Variants in ZNF44 observed in about 807,000 individuals in gnomAD.
ZNF44 encodes gonadotropin inducible transcription repressor-2.
ZNF44 carries 9 observed loss-of-function variants against 11.7 expected under a neutral mutation model. That is an observed-to-expected ratio of 0.77 (90% CI 0.46 to 1.35). The LOEUF (loss-of-function observed/expected upper bound fraction) is 1.35, where lower values mean the gene tolerates loss of function less well. Among genes scored for constraint, ZNF44 ranks in the 40% most tolerant of loss-of-function variants. ZNF44 has a pLI of 0.00. For synonymous variants in ZNF44, 224 were observed against 242.7 expected, an observed-to-expected ratio of 0.92 and a Z score of 0.72; for missense variants, 696 against 743.1, an observed-to-expected ratio of 0.94 and a Z score of 0.74.
chr19:12,246,755 G>C (rs965176541), downstream of ZNF44, among the ~76,000 whole-genome samples: 1 of 152,000 alleles, frequency 6.6e-6, no homozygotes, highest in Non-Finnish European at 1.5e-5. Flanking sequence ...GCCAGGCAAC[G>C]CAGCACACAT....
chr19:12,273,223 T>C lies in ZNF44; in HGVS notation c.1032A>G (p.Lys344=). 1 of 1,614,126 alleles carries C rather than the reference T, an allele frequency of 6.2e-7. No homozygotes were observed. Among genetic ancestry groups the C allele is most frequent in the South Asian group, 1.1e-5 (1 of 91,074 alleles). The part of the protein sequence containing the change: ...DGPHKCKICG[K]GFDFPGSARI... ...GTGCTGAACCAGGAAAATCAAAGCC[T>C]TTCCCACATATCTTACATTTATGAG... Residue 344 remains lysine (K), a synonymous_variant, in exon 4 of 4, where the codon AAA becomes AAG. Coordinates refer to ENST00000355684, the MANE Select transcript of ZNF44 (RefSeq NM_016264.4).
chr19:12,278,507 A>C (rs1235537634), intron 1 of ZNF44, among the ~76,000 whole-genome samples: 2 of 152,076 alleles, frequency 1.3e-5, no homozygotes, highest in Non-Finnish European at 2.9e-5. Context: ...AGGGGGTCAG[A>C]TTGCTTAAAG....
intron 7 of ZNF44, among the ~76,000 whole-genome samples, chr19:12,249,492 C>G (rs1249026203): frequency 1.2e-4 from 15 of 129,754 alleles, no homozygotes; most frequent in Non-Finnish European, 2.4e-4. Flanking sequence ...GGCGACAGAG[C>G]AAGACTCCGT....
chr19:12,225,701 G>T (rs1414699348), downstream of ZNF44, among the ~76,000 whole-genome samples: 1 of 152,210 alleles, frequency 6.6e-6, no homozygotes, highest in Non-Finnish European at 1.5e-5. Flanking sequence ...CACACGGGTG[G>T]CGTAGTAAAT....
downstream of ZNF44, chr19:12,247,415 G>T: frequency 7.6e-7 from 1 of 1,317,498 alleles, no homozygotes; most frequent in East Asian, 5.3e-5. Context: ...GGAAACTGAA[G>T]GGTTTTCCAC....
At chr19:12,254,175 T>TAA (rs77933552) in intron 5 of ZNF44, among the ~76,000 whole-genome samples, 7,754 of 143,086 alleles carry the variant, frequency 0.054, 682 homozygotes, top group African/African-American at 0.19. Context: ...CACAGCAGAT[T>TAA]AAAAAAAAAA....
At chr19:12,268,363 T>C (rs1917820598), downstream of ZNF44, among the ~76,000 whole-genome samples, 1 of 152,196 alleles carries the variant, frequency 6.6e-6, no homozygotes, top group African/African-American at 2.4e-5. Context: ...CTTTCCCCAT[T>C]ATCTTGGGGC....
chr19:12,244,189 T>G (rs1474441536), downstream of ZNF44, among the ~76,000 whole-genome samples: 4 of 152,078 alleles, frequency 2.6e-5, no homozygotes, highest in Admixed American at 6.6e-5. Context: ...ATTTATTTAT[T>G]TATTTATTTT....
intron 2 of ZNF44, among the ~76,000 whole-genome samples, chr19:12,233,740 A>G (rs1424645081): frequency 6.6e-6 from 1 of 152,078 alleles, no homozygotes; most frequent in Non-Finnish European, 1.5e-5. Flanking sequence ...CTACTTTCAC[A>G]ATCTTTCTAA....
At chr19:12,253,950 G>A (rs1568430460) in intron 5 of ZNF44, among the ~76,000 whole-genome samples, 1 of 152,166 alleles carries the variant, frequency 6.6e-6, no homozygotes, top group Non-Finnish European at 1.5e-5. Flanking sequence ...CTGCACTCCA[G>A]CCTGGGTGAC....
chr19:12,247,248 A>G (rs1339072972), downstream of ZNF44: 6 of 1,165,240 alleles, frequency 5.1e-6, no homozygotes, highest in South Asian at 1.0e-4. Context: ...TTAAAATTGA[A>G]AAACTTTCGA....
At chr19:12,282,707 G>A (rs1967534505) in intron 1 of ZNF44, among the ~76,000 whole-genome samples, 1 of 152,124 alleles carries the variant, frequency 6.6e-6, no homozygotes, top group South Asian at 2.1e-4. Flanking sequence ...ACAGGCATGA[G>A]ATACCACGCC....
chr19:12,261,376 T>G (rs1167844387), intron 5 of ZNF44, among the ~76,000 whole-genome samples: 1 of 152,226 alleles, frequency 6.6e-6, no homozygotes, highest in African/African-American at 2.4e-5. Flanking sequence ...GGCTCACGCT[T>G]GCAATCCCAA....
chr19:12,252,066 A>C (rs545452131), intron 5 of ZNF44, among the ~76,000 whole-genome samples: 51 of 152,080 alleles, frequency 3.4e-4, no homozygotes, highest in Non-Finnish European at 6.0e-4. Flanking sequence ...AAAAAAAAAA[A>C]CAGATTTGCA....
At chr19:12,265,986 T>G (rs993501054) in intron 5 of ZNF44, among the ~76,000 whole-genome samples, 8 of 152,098 alleles carry the variant, frequency 5.3e-5, no homozygotes, top group African/African-American at 1.9e-4. Context: ...CCTCCCATGG[T>G]CCCCGCACAA....
intron 5 of ZNF44, among the ~76,000 whole-genome samples, chr19:12,258,439 C>T (rs1367452021): frequency 6.6e-6 from 1 of 151,894 alleles, no homozygotes; most frequent in Non-Finnish European, 1.5e-5. Flanking sequence ...CTTCAAGGCC[C>T]ATCAATTTAC....
intron 1 of ZNF44, chr19:12,285,147 G>C: frequency 1.7e-6 from 1 of 589,740 alleles, no homozygotes; most frequent in Non-Finnish European, 3.0e-6. Context: ...CAGAGTCTCT[G>C]TGCAGAGGAC....
At chr19:12,275,804 G>A (rs1159624654) in intron 2 of ZNF44, among the ~76,000 whole-genome samples, 152 bp downstream of exon 2, 1 of 152,152 alleles carries the variant, frequency 6.6e-6, no homozygotes, top group East Asian at 1.9e-4. Context: ...GATTATATGA[G>A]GACATACAAC....
intron 3 of ZNF44, among the ~76,000 whole-genome samples, chr19:12,227,108 G>A (rs139555949): frequency 1.2e-4 from 18 of 152,326 alleles, no homozygotes; most frequent in African/African-American, 4.3e-4. Context: ...CTGCAGTTTA[G>A]TTCATGCAGT....
Sources: gnomAD v4.1 joint callset for allele counts (sites outside exome capture counted in the v4.1 genomes callset) on GRCh38, gnomAD v4.1.1 for gene constraint, MANE v1.5 for transcripts, NCBI Gene and HGNC (gene_info 2026-07-23, HGNC 2026-07-21) for gene names.